The following HECTD4 variants were observed in gnomAD, a reference collection of about 807,000 sequenced individuals.
HECTD4 encodes HECT domain E3 ubiquitin protein ligase 4.
HECTD4 carries 114 observed loss-of-function variants against 471.5 expected under a neutral mutation model. The observed-to-expected ratio is 0.24, with a 90% CI of 0.21 to 0.28. The LOEUF (loss-of-function observed/expected upper bound fraction) is 0.28. Ranked by LOEUF, HECTD4 falls within the 10% of genes least tolerant of loss-of-function variation. HECTD4 has a pLI of 1.00. For synonymous variants in HECTD4, 2,012 were observed against 2,256.0 expected, an observed-to-expected ratio of 0.89 and a Z score of 3.07; for missense variants, 3,866 against 5,651.5, an observed-to-expected ratio of 0.68 and a Z score of 10.13.
intron 64 of HECTD4, among the ~76,000 whole-genome samples, chr12:112,177,676 G>A (rs755954233): frequency 6.6e-5 from 10 of 152,144 alleles, no homozygotes; most frequent in African/African-American, 1.2e-4. Context: ...CACCGCGCCC[G>A]GCCTATGAGG....
At chr12:112,261,954 G>C (rs2034154862) in intron 17 of HECTD4, 1 of 152,238 alleles carries the variant, frequency 6.6e-6, no homozygotes, top group Non-Finnish European at 1.5e-5. Flanking sequence ...GTTAAAAACA[G>C]GCAGTTAAAA....
At chr12:112,302,204 A>G in intron 7 of HECTD4, 1 of 1,305,360 alleles carries the variant, frequency 7.7e-7, no homozygotes, top group Non-Finnish European at 1.1e-6. Flanking sequence ...GTGTGCAATC[A>G]CCACCAGCTG....
chr12:112,194,835 G>C lies in HECTD4; in HGVS notation c.8749+50C>G. On this transcript the variant is annotated intron_variant, in intron 56 of 75. Coordinates refer to ENST00000682272, the MANE Select transcript of HECTD4 (RefSeq NM_001388303.1). The surrounding 1 kb of genome is among the most constrained non-coding windows in gnomAD (Gnocchi z 4.6). ...AGGGAATGACTACACTGTGCACAGCGCCCGCCTGGTGCTAAGTTCCAGAGT... is the reference window on the plus strand; with the variant it reads ...AGGGAATGACTACACTGTGCACAGCCCCCGCCTGGTGCTAAGTTCCAGAGT... The C allele has an allele frequency of 1.3e-6, 2 of 1,518,886 alleles. No individual in the cohort carries two copies. Among genetic ancestry groups the C allele is most frequent in the Non-Finnish European group, 1.8e-6 (2 of 1,112,562 alleles). The allele number at this position is 1,518,886 out of a possible 1,614,324, so 94.1% of individuals were successfully genotyped here. A position where few individuals can be genotyped will look rare whatever the true frequency, so the allele number is the denominator to read the frequency against.
intron 1 of HECTD4, among the ~76,000 whole-genome samples, chr12:112,338,458 T>TA (rs1416398375): frequency 6.6e-6 from 1 of 151,956 alleles, no homozygotes; most frequent in Non-Finnish European, 1.5e-5. Context: ...CCATCTCTAC[T>TA]AAAAATACAA....
At chr12:112,210,311 A>G (rs2032723321) in intron 49 of HECTD4, 59 bp from the exon 50 acceptor site, 2 of 1,560,768 alleles carry the variant, frequency 1.3e-6, no homozygotes, top group Admixed American at 1.7e-5. Flanking sequence ...TATTTCTGCA[A>G]GAGCCCAAGG....
At chr12:112,295,148 AAG>A (rs111979624) in intron 7 of HECTD4, among the ~76,000 whole-genome samples, 1 of 150,068 alleles carries the variant, frequency 6.7e-6, no homozygotes, top group Admixed American at 6.6e-5. Flanking sequence ...GAAAAAAAAA[AAG>A]AGAGAGAAAC....
chr12:112,329,363 GTTTT>G (rs1491421688), intron 1 of HECTD4, among the ~76,000 whole-genome samples: 120 of 134,694 alleles, frequency 8.9e-4, no homozygotes, highest in African/African-American at 3.5e-3. Flanking sequence ...TTTGTTTTGG[GTTTT>G]TTGTTTTTTT....
rs2030953823 is a variant in HECTD4 at position 112,166,261 on chromosome 12, C to T, written c.12534+1056G>A. ...CCTGTTTCTACCGAGAAGCCACTGG[C>T]ATCCGGGACTCTGGCTCTGCTATTG... On this transcript the variant is annotated intron_variant, in intron 72 of 75. Coordinates refer to ENST00000682272, the MANE Select transcript of HECTD4 (RefSeq NM_001388303.1). This position sits in a 1 kb window ranked among gnomAD's most constrained non-coding sequence, Gnocchi z 4.6. The T allele has an allele frequency of 6.6e-6, 1 of 152,288 alleles. No homozygotes were observed. 9.4% of individuals were successfully genotyped at this position (152,288 alleles called of 1,614,324 possible).
intron 1 of HECTD4, among the ~76,000 whole-genome samples, chr12:112,374,714 C>T (rs1291667518): frequency 2.6e-5 from 4 of 152,194 alleles, no homozygotes; most frequent in African/African-American, 2.4e-5. Flanking sequence ...GATATATAGG[C>T]TAGCAGTGTC....
At chr12:112,256,889 C>CT (rs2135595637) in intron 20 of HECTD4, 1 of 155,282 alleles carries the variant, frequency 6.4e-6, no homozygotes, top group East Asian at 1.9e-4. Context: ...TGTAAAGGAT[C>CT]TTTAAGATTG....
At chr12:112,174,811 TG>T (rs1316829400) in intron 66 of HECTD4, among the ~76,000 whole-genome samples, 1 of 152,138 alleles carries the variant, frequency 6.6e-6, no homozygotes, top group Non-Finnish European at 1.5e-5. Flanking sequence ...CCTCCCAAAG[TG>T]CTGGGATTAC....
intron 1 of HECTD4, among the ~76,000 whole-genome samples, chr12:112,369,266 AG>A (rs2036623850): frequency 6.6e-6 from 1 of 151,910 alleles, no homozygotes; most frequent in Admixed American, 6.6e-5. Context: ...GTGCATTTCT[AG>A]GTACCCAATT....
At chr12:112,289,769 C>T (rs376283190) in intron 7 of HECTD4, among the ~76,000 whole-genome samples, 21 of 152,038 alleles carry the variant, frequency 1.4e-4, no homozygotes, top group East Asian at 3.9e-4. Flanking sequence ...CTCTATCTCC[C>T]GGGCTCAAGC....
At chr12:112,262,702 A>G (rs891516840) in intron 17 of HECTD4, among the ~76,000 whole-genome samples, 2 of 151,460 alleles carry the variant, frequency 1.3e-5, no homozygotes, top group Non-Finnish European at 2.9e-5. Context: ...TGCAACCTCC[A>G]CCTCCTGGGT....
intron 70 of HECTD4, 28 bp downstream of exon 70, chr12:112,169,475 G>A: frequency 6.3e-7 from 1 of 1,588,934 alleles, no homozygotes; most frequent in South Asian, 1.1e-5. Context: ...AGCTCCTCCA[G>A]CGTGGAGCCT....
At chr12:112,348,676 C>T (rs1375285522) in intron 1 of HECTD4, among the ~76,000 whole-genome samples, 1 of 151,902 alleles carries the variant, frequency 6.6e-6, no homozygotes, top group Admixed American at 6.6e-5. Context: ...CACAGGTATT[C>T]GAAGTTGCAG....
rs138417223 is a variant in HECTD4, at chr12:112,239,003, C to T, written c.5290+49G>A. On this transcript the variant is annotated intron_variant, in intron 34 of 75. Coordinates refer to ENST00000682272, the MANE Select transcript of HECTD4 (RefSeq NM_001388303.1). The surrounding 1 kb of genome is among the most constrained non-coding windows in gnomAD (Gnocchi z 4.9). The stretch of plus-strand genomic sequence containing the variant: ...GCATAAAAAAACCAATAAACTAACA[C>T]ACCAATAGAAGAAATCAGTGAGCTC... 5.9e-6 allele frequency: 9 copies of T among 1,523,440 alleles called. No individual in the cohort carries two copies. In the East Asian group the frequency reaches 2.1e-4, roughly 35 times the overall value. 94.4% of individuals were successfully genotyped at this position (1,523,440 alleles called of 1,614,324 possible).
intron 12 of HECTD4, 42 bp downstream of exon 12, chr12:112,270,185 C>G: frequency 6.4e-7 from 1 of 1,560,206 alleles, no homozygotes; most frequent in South Asian, 1.1e-5. Context: ...TTTGCGTTTC[C>G]TTTTCTCTAT....
At position 112,193,367 on chromosome 12, in the gene HECTD4, T is replaced by C; in HGVS notation, c.8955+102A>G. 3.0e-6 allele frequency: 4 copies of C among 1,350,688 alleles called. No homozygotes were observed. Among genetic ancestry groups the C allele is most frequent in the East Asian group, 2.5e-5 (1 of 39,924 alleles). The allele number at this position is 1,350,688 out of a possible 1,614,324, so 83.7% of individuals were successfully genotyped here. A position where few individuals can be genotyped will look rare whatever the true frequency, so the allele number is the denominator to read the frequency against. On this transcript the variant is annotated intron_variant, in intron 57 of 75. Transcript: ENST00000682272. The surrounding 1 kb of genome is among the most constrained non-coding windows in gnomAD (Gnocchi z 5.2). Reference sequence around the variant, plus strand: ...TCTAGGAAAAGGAAATCGAGAGGAATAGGGACTTGGAAGGGAAAGGGGAGT... The same window carrying C: ...TCTAGGAAAAGGAAATCGAGAGGAACAGGGACTTGGAAGGGAAAGGGGAGT...
Sources: gnomAD v4.1 joint callset for allele counts (sites outside exome capture counted in the v4.1 genomes callset) on GRCh38, gnomAD v4.1.1 for gene constraint, Gnocchi (gnomAD v3.1) non-coding constraint, MANE v1.5 for transcripts, NCBI Gene and HGNC (gene_info 2026-07-23, HGNC 2026-07-21) for gene names.